Variants in SIVA1 observed in about 807,000 individuals in gnomAD.
SIVA1 encodes SIVA1 apoptosis inducing factor.
In SIVA1, 10 loss-of-function variants were observed where a neutral mutation model predicts 19.7. The ratio of observed to expected loss-of-function variants is 0.51; its 90% CI spans 0.31 to 0.86. The LOEUF (loss-of-function observed/expected upper bound fraction) is 0.86. Ranked by LOEUF, SIVA1 falls within the 40% of genes least tolerant of loss-of-function variation. The probability of loss-of-function intolerance (pLI) is 0.04; values close to 1 mark genes in which losing one functional copy is unlikely to be tolerated. For synonymous variants in SIVA1, 130 were observed against 106.1 expected (o/e 1.23, Z -1.39); for missense variants, 241 against 245.2 (o/e 0.98, Z 0.11).
At chr14:104,756,132 A>G (rs1891879866) in intron 2 of SIVA1, 2 of 509,992 alleles carry the variant, frequency 3.9e-6, no homozygotes, top group East Asian at 4.0e-5. Context: ...TCCCATCCCT[A>G]TGCAGTGTGG....
intron 1 of SIVA1, chr14:104,753,578 G>T (rs1891780586): frequency 1.9e-6 from 1 of 518,524 alleles, no homozygotes; most frequent in Non-Finnish European, 3.5e-6. Flanking sequence ...TAGCCCCCGC[G>T]CCCTCTTCCA....
chr14:104,756,196 C>T (rs1421092932), intron 2 of SIVA1: 1 of 440,900 alleles, frequency 2.3e-6, no homozygotes, highest in South Asian at 2.1e-5. Context: ...CCGACTCTAC[C>T]TCAAGTCTGG....
In SIVA1 at chr14:104,759,129, G is replaced by A; in HGVS notation, c.471-299G>A. 1 of 265,120 alleles carries A rather than the reference G, an allele frequency of 3.8e-6. No homozygotes were observed. Among genetic ancestry groups the A allele is most frequent in the African/African-American group, 2.2e-5 (1 of 45,338 alleles). 16.4% of individuals were successfully genotyped at this position (265,120 alleles called of 1,614,324 possible). A position where few individuals can be genotyped will look rare whatever the true frequency, so the allele number is the denominator to read the frequency against. On this transcript the variant is annotated intron_variant, in intron 3 of 3. Coordinates refer to ENST00000329967, the MANE Select transcript of SIVA1 (RefSeq NM_006427.4). This position sits in a 1 kb window ranked among gnomAD's most constrained non-coding sequence, Gnocchi z 4.2. ...TGTCCTGGCCTCTCTCCTGGCATCT[G>A]CTGGTTATCTTTGGTGTTCCCTGTA...
chr14:104,754,155 T>C (rs1321274111), intron 1 of SIVA1, among the ~76,000 whole-genome samples: 1 of 152,112 alleles, frequency 6.6e-6, no homozygotes, highest in Non-Finnish European at 1.5e-5. Flanking sequence ...TGATCATCAC[T>C]CTGACTGGGG....
rs751094903 is a variant in SIVA1, at chr14:104,753,219, C to T, written c.18C>T (p.Cys6=). ...CCGCGGCCATGCCCAAGCGGAGCTGCCCCTTCGCGGACGTGGCCCCGCTAC... is the reference window on the plus strand; with the variant it reads ...CCGCGGCCATGCCCAAGCGGAGCTGTCCCTTCGCGGACGTGGCCCCGCTAC... MPKRS[C]PFADVAPLQL... is the part of the protein sequence containing the mutation. Residue 6 remains cysteine (C), a synonymous_variant, in exon 1 of 4, where the codon TGC becomes TGT. Transcript: ENST00000329967. The T allele has an allele frequency of 3.8e-6, 6 of 1,579,188 alleles. No homozygotes were observed. The highest frequency in any genetic ancestry group is 1.8e-4 in the Middle Eastern group (1 of 5,672).
At chr14:104,754,549 T>TG (rs1329147096) in intron 1 of SIVA1, among the ~76,000 whole-genome samples, 1 of 152,214 alleles carries the variant, frequency 6.6e-6, no homozygotes, top group Non-Finnish European at 1.5e-5. Flanking sequence ...TGTCCTGACC[T>TG]GGGCGTTGGC....
chr14:104,756,651 G>T lies in SIVA1; in HGVS notation c.361G>T (p.Val121Leu). 6.2e-7 allele frequency: 1 copy of T among 1,614,218 alleles called. No individual in the cohort carries two copies. Among genetic ancestry groups the T allele is most frequent in the Non-Finnish European group, 8.5e-7 (1 of 1,180,040 alleles). The part of the protein sequence containing the change: ...SIACSSCVRA[V>L]DGKAVCGQCE... Reference sequence around the variant, plus strand: ...TGCCTGTTCCTCATGCGTGCGAGCCGTGGATGGGAAGGCGGTCTGCGGTCA... The same window carrying T: ...TGCCTGTTCCTCATGCGTGCGAGCCTTGGATGGGAAGGCGGTCTGCGGTCA... The change falls in exon 3 of 4, where the codon GTG becomes TTG. Residue 121 changes from valine (V) to leucine (L), a missense_variant. Physicochemically the swap from Val to Leu is conservative, Grantham distance 32 (BLOSUM62 1). Transcript: ENST00000329967.
intron 1 of SIVA1, among the ~76,000 whole-genome samples, chr14:104,754,308 A>G (rs759295186): frequency 3.2e-4 from 48 of 152,066 alleles, no homozygotes; most frequent in Non-Finnish European, 6.3e-4. Context: ...GAATGAGGGA[A>G]AGACTCTGCC....
chr14:104,756,884 G>A, intron 3 of SIVA1, 124 bp downstream of exon 3: 1 of 1,120,750 alleles, frequency 8.9e-7, no homozygotes, highest in South Asian at 1.6e-5. Context: ...AGTGCCATCT[G>A]GCATTGCCTA....
At chr14:104,756,456 G>T (rs375965152) in intron 2 of SIVA1, 148 bp from the exon 3 acceptor site, 2 of 809,414 alleles carry the variant, frequency 2.5e-6, no homozygotes, top group East Asian at 2.5e-5. Context: ...CCAGGCTCAC[G>T]GGTTGTCAGA....
At position 104,756,707 on chromosome 14, in the gene SIVA1, G is replaced by A. The variant is rs1566809462; in HGVS notation, c.417G>A (p.Val139=). The change falls in exon 3 of 4, where the codon GTG becomes GTA. Residue 139 remains valine, a synonymous_variant. Transcript: ENST00000329967. ...AGCGAGCCCTGTGCGGGCAGTGTGT[G>A]CGCACCTGCTGGGGCTGCGGCTCCG... ...QCERALCGQC[V]RTCWGCGSVA... The A allele has an allele frequency of 2.5e-6, 4 of 1,614,132 alleles. No individual in the cohort carries two copies.
rs935145309 is a variant in SIVA1 at position 104,753,388 on chromosome 14, C to T, written c.118+69C>T. 8.6e-6 allele frequency: 9 copies of T among 1,047,678 alleles called. No individual in the cohort carries two copies. The African/African-American group carries it at 9.9e-5, about 11-fold the overall frequency. 64.9% of individuals were successfully genotyped at this position (1,047,678 alleles called of 1,614,324 possible). On this transcript the variant is annotated intron_variant, in intron 1 of 3. Transcript: ENST00000329967. ...TGGAACGGGCCGGGCCTCAGCGTCC[C>T]CTCTGAGGCCTGAGCGGGGGGCTGG...
chr14:104,758,231 C>G (rs1232016420), intron 3 of SIVA1: 1 of 152,410 alleles, frequency 6.6e-6, no homozygotes, highest in African/African-American at 2.4e-5. Flanking sequence ...ATGGCCTGCA[C>G]TGGCCCACGC....
In SIVA1 at chr14:104,755,737, A is replaced by G. The variant is rs1170520794; in HGVS notation, c.226A>G (p.Thr76Ala). 6.2e-6 allele frequency: 10 copies of G among 1,613,950 alleles called. No individual in the cohort carries two copies. Among genetic ancestry groups the G allele is most frequent in the Middle Eastern group, 1.6e-4 (1 of 6,066 alleles). The change falls in exon 2 of 4, where the codon ACA (threonine) becomes GCA (alanine). Residue 76 changes from threonine (T) to alanine (A), a missense_variant. Coordinates refer to ENST00000329967, the MANE Select transcript of SIVA1 (RefSeq NM_006427.4). Reference sequence around the variant, plus strand: ...GCCAGAGTCCCCAAAGCCTGGCCCTACAGGGGCCCCGAGGGCTGCACGTGG... The same window carrying G: ...GCCAGAGTCCCCAAAGCCTGGCCCTGCAGGGGCCCCGAGGGCTGCACGTGG... Reference protein sequence around the residue: ...HLPESPKPGPTGAPRAARGQM... With the variant: ...HLPESPKPGPAGAPRAARGQM...
At position 104,753,235 on chromosome 14, in the gene SIVA1, G is replaced by T. The variant is rs1595222520; in HGVS notation, c.34G>T (p.Ala12Ser). ...PKRSCPFADV[A>S]PLQLKVRVSQ... is the part of the protein sequence containing the mutation. ...GCGGAGCTGCCCCTTCGCGGACGTGGCCCCGCTACAGCTCAAGGTCCGCGT... is the reference window on the plus strand; with the variant it reads ...GCGGAGCTGCCCCTTCGCGGACGTGTCCCCGCTACAGCTCAAGGTCCGCGT... Residue 12 changes from alanine to serine, a missense_variant, in exon 1 of 4, where the codon GCC (alanine) becomes TCC (serine). Coordinates refer to ENST00000329967, the MANE Select transcript of SIVA1 (RefSeq NM_006427.4). 6 of 1,588,240 alleles carry T rather than the reference G, an allele frequency of 3.8e-6. No individual in the cohort carries two copies. Among genetic ancestry groups the T allele is most frequent in the Non-Finnish European group, 5.1e-6 (6 of 1,170,004 alleles).
chr14:104,755,921 G>A, intron 2 of SIVA1, 97 bp downstream of exon 2: 2 of 1,180,920 alleles, frequency 1.7e-6, no homozygotes, highest in Non-Finnish European at 2.4e-6. Flanking sequence ...TTTCCTCCCT[G>A]GGTAAGCAGG....
rs368938848 is a variant in SIVA1 at position 104,753,200 on chromosome 14, C to T, written c.-2C>T. 3 of 1,564,390 alleles carry T rather than the reference C, an allele frequency of 1.9e-6. No individual in the cohort carries two copies. The highest frequency in any genetic ancestry group is 2.4e-5 in the East Asian group (1 of 41,798). On this transcript the variant is annotated 5_prime_UTR_variant, in exon 1 of 4. Coordinates refer to ENST00000329967, the MANE Select transcript of SIVA1 (RefSeq NM_006427.4). Reference sequence around the variant, plus strand: ...AGCTGCGTAGCTCCCGGCCCCGCGGCCATGCCCAAGCGGAGCTGCCCCTTC... The same window carrying T: ...AGCTGCGTAGCTCCCGGCCCCGCGGTCATGCCCAAGCGGAGCTGCCCCTTC...
At chr14:104,754,330 C>T (rs1350065010) in intron 1 of SIVA1, among the ~76,000 whole-genome samples, 1 of 152,162 alleles carries the variant, frequency 6.6e-6, no homozygotes, top group Non-Finnish European at 1.5e-5. Flanking sequence ...CCCGAGGTTC[C>T]TCTGTGCGGT....
chr14:104,756,516 C>G, intron 2 of SIVA1, 88 bp from the exon 3 acceptor site: 4 of 1,499,426 alleles, frequency 2.7e-6, no homozygotes, highest in Admixed American at 1.7e-5. Context: ...GCCCTCTGCC[C>G]TCAGGTATGC....
Sources: allele counts gnomAD v4.1 joint callset (sites outside exome capture counted in the v4.1 genomes callset), GRCh38; gene constraint gnomAD v4.1.1; non-coding constraint Gnocchi (gnomAD v3.1); transcripts MANE v1.5; gene names NCBI Gene and HGNC (gene_info 2026-07-23, HGNC 2026-07-21).